Variants in NRXN3 observed in about 807,000 individuals in gnomAD.
The protein encoded by NRXN3 is neurexin 3, also known as neurexin III.
NRXN3 carries 32 observed loss-of-function variants against 137.6 expected under a neutral mutation model. That is an observed-to-expected ratio of 0.23 (90% CI 0.18 to 0.31). The LOEUF (loss-of-function observed/expected upper bound fraction) is 0.31. NRXN3 is among the 10% of genes least tolerant of loss of function. The probability of loss-of-function intolerance (pLI) is 1.00; values close to 1 mark genes in which losing one functional copy is unlikely to be tolerated. For missense variants in NRXN3, 1,574 were observed against 2,062.5 expected, an observed-to-expected ratio of 0.76 and a Z score of 4.59; for synonymous variants, 798 against 784.5, an observed-to-expected ratio of 1.02 and a Z score of -0.29.
intron 1 of NRXN3, among the ~76,000 whole-genome samples, chr14:78,199,113 G>C (rs1337152749): frequency 6.6e-6 from 1 of 152,238 alleles, no homozygotes; most frequent in East Asian, 1.9e-4. Context: ...TTTGATGAGA[G>C]GCCAAGAGTA....
At position 79,717,832 on chromosome 14, in the gene NRXN3, G is replaced by A. The variant is rs374134604; in HGVS notation, c.4014+19895G>A. Among the ~76,000 whole-genome samples, 54 of 152,230 alleles carry A rather than the reference G, an allele frequency of 3.5e-4. 1 individual carries two copies. Among genetic ancestry groups the A allele is most frequent in the South Asian group, 1.7e-3 (8 of 4,826 alleles). On this transcript the variant is annotated intron_variant, in intron 19 of 20. Transcript: ENST00000335750. ...AAACCTTTGCCTATAAAATGAAGGG[G>A]TTTGACTTTGAATCTAAAGGAGTGG...
intron 15 of NRXN3, among the ~76,000 whole-genome samples, chr14:79,350,504 A>C (rs2093153055): frequency 1.3e-5 from 2 of 152,188 alleles, no homozygotes; most frequent in African/African-American, 4.8e-5. Context: ...CAGGCTTATC[A>C]TTTTATATTG....
intron 19 of NRXN3, among the ~76,000 whole-genome samples, chr14:79,757,839 G>T (rs1026043884): frequency 1.3e-5 from 2 of 152,174 alleles, no homozygotes; most frequent in Admixed American, 6.5e-5. Flanking sequence ...ATCCCGTGGA[G>T]AGGCCTATCA....
At chr14:78,909,494 G>C (rs1164219511) in intron 10 of NRXN3, among the ~76,000 whole-genome samples, 1 of 152,114 alleles carries the variant, frequency 6.6e-6, no homozygotes, top group African/African-American at 2.4e-5. Context: ...TTTTCATTAT[G>C]ACAATGTTCC....
intron 2 of NRXN3, among the ~76,000 whole-genome samples, chr14:78,264,775 T>C (rs1191063350): frequency 6.6e-6 from 1 of 152,216 alleles, no homozygotes; most frequent in Non-Finnish European, 1.5e-5. Context: ...GGGATTTGTT[T>C]GATTAATTCC....
chr14:78,715,080 G>C lies in NRXN3; in HGVS notation c.1985G>C (p.Trp662Ser). 1 of 1,613,254 alleles carries C rather than the reference G, an allele frequency of 6.2e-7. No individual in the cohort carries two copies. ...CKNNAVCKDG[W>S]NRFICDCTGT... Reference sequence around the variant, plus strand: ...AATAATGCTGTGTGCAAGGACGGCTGGAACCGCTTCATCTGCGACTGCACC... The same window carrying C: ...AATAATGCTGTGTGCAAGGACGGCTCGAACCGCTTCATCTGCGACTGCACC... Residue 662 changes from tryptophan (W) to serine (S), a missense_variant, in exon 8 of 21, where the codon TGG becomes TCG. Around this residue, in one of 5 missense-constraint regions of NRXN3, gnomAD observed 718 missense variants for 887.6 expected, o/e 0.81. Coordinates refer to ENST00000335750, the MANE Select transcript of NRXN3 (RefSeq NM_001330195.2).
At chr14:79,779,682 C>G (rs1188003212) in intron 19 of NRXN3, among the ~76,000 whole-genome samples, 1 of 152,190 alleles carries the variant, frequency 6.6e-6, no homozygotes, top group African/African-American at 2.4e-5. Context: ...ATCCCATCAA[C>G]TCTCTGACCA....
intron 15 of NRXN3, among the ~76,000 whole-genome samples, chr14:79,118,886 A>G (rs186725453): frequency 6.6e-6 from 1 of 152,322 alleles, no homozygotes; most frequent in Admixed American, 6.5e-5. Flanking sequence ...ACTTTTTAAA[A>G]AAATGCAGTG....
At chr14:78,530,557 G>A (rs2096446867) in intron 4 of NRXN3, among the ~76,000 whole-genome samples, 1 of 152,206 alleles carries the variant, frequency 6.6e-6, no homozygotes, top group African/African-American at 2.4e-5. Context: ...TGCCCTTGCG[G>A]ATGGCTGAGG....
At chr14:79,436,982 C>T (rs2095854871) in intron 15 of NRXN3, among the ~76,000 whole-genome samples, 1 of 152,128 alleles carries the variant, frequency 6.6e-6, no homozygotes, top group Admixed American at 6.5e-5. Context: ...TGTTGCAAAC[C>T]TTGTTGTGGC....
At chr14:79,343,493 T>C (rs945508918) in intron 15 of NRXN3, among the ~76,000 whole-genome samples, 1 of 152,142 alleles carries the variant, frequency 6.6e-6, no homozygotes, top group Non-Finnish European at 1.5e-5. Context: ...TGGCTCGCTC[T>C]TCATGAGACT....
At chr14:79,675,260 AAATAT>A (rs1478034888) in intron 17 of NRXN3, among the ~76,000 whole-genome samples, 1 of 151,994 alleles carries the variant, frequency 6.6e-6, no homozygotes, top group Non-Finnish European at 1.5e-5. Flanking sequence ...TTATAAATAT[AAATAT>A]ATTTAGATAT....
intron 19 of NRXN3, among the ~76,000 whole-genome samples, chr14:79,709,430 C>G (rs574533667): frequency 6.6e-6 from 1 of 152,174 alleles, no homozygotes; most frequent in South Asian, 2.1e-4. Context: ...TTTCAGATGC[C>G]CCTTCTTCCT....
At chr14:79,339,111 T>C (rs1427586253) in intron 15 of NRXN3, among the ~76,000 whole-genome samples, 2 of 149,844 alleles carry the variant, frequency 1.3e-5, no homozygotes, top group East Asian at 4.1e-4. Flanking sequence ...CAACAGCCTA[T>C]GATGAAGTGT....
chr14:79,543,329 A>G (rs1040527110), intron 16 of NRXN3, among the ~76,000 whole-genome samples: 49 of 152,324 alleles, frequency 3.2e-4, no homozygotes, highest in African/African-American at 1.1e-3. Flanking sequence ...CAGAAGACCA[A>G]TTGCACACAG....
intron 4 of NRXN3, among the ~76,000 whole-genome samples, chr14:78,423,179 A>T (rs1259197441): frequency 1.3e-5 from 2 of 152,098 alleles, no homozygotes; most frequent in Non-Finnish European, 2.9e-5. Context: ...CTCAGTAAAA[A>T]TGCAGAAGGA....
rs1297328988 is a variant in NRXN3 at position 78,751,640 on chromosome 14, T to C, written c.2044+36501T>C. On this transcript the variant is annotated intron_variant, in intron 8 of 20. Coordinates refer to ENST00000335750, the MANE Select transcript of NRXN3 (RefSeq NM_001330195.2). ...CATAGTCTTGCCACCCCTCTCTAAT[T>C]AAGAGATTCCCACTCTTCCAGCACT... Among the ~76,000 whole-genome samples, 3 of 152,068 alleles carry C rather than the reference T, an allele frequency of 2.0e-5. No individual in the cohort carries two copies. The East Asian group carries it at 5.8e-4, about 29-fold the overall frequency.
chr14:79,249,890 A>C (rs2075702806), intron 15 of NRXN3, among the ~76,000 whole-genome samples: 1 of 152,208 alleles, frequency 6.6e-6, no homozygotes, highest in Admixed American at 6.5e-5. Context: ...TTCGTTGTTA[A>C]ATTTTGAAAT....
intron 15 of NRXN3, among the ~76,000 whole-genome samples, chr14:79,156,487 G>A (rs1027045137): frequency 2.0e-5 from 3 of 151,664 alleles, no homozygotes; most frequent in African/African-American, 7.3e-5. Flanking sequence ...TTGCTGTTCA[G>A]GAAGCAAGGT....
Sources: gnomAD v4.1 joint callset for allele counts (sites outside exome capture counted in the v4.1 genomes callset) on GRCh38, gnomAD v4.1.1 for gene constraint, gnomAD v4.1.1 regional missense constraint, MANE v1.5 for transcripts, NCBI Gene and HGNC (gene_info 2026-07-23, HGNC 2026-07-21) for gene names.